The following LSM3 variants were observed in gnomAD, a reference collection of about 807,000 sequenced individuals.
LSM3 encodes LSM3 homolog, U6 small nuclear RNA and mRNA degradation associated, also known as U6 snRNA-associated Sm-like protein LSm3.
A neutral mutation model predicts 15.4 loss-of-function variants in LSM3; 14 were observed. The observed-to-expected ratio is 0.91, with a 90% confidence interval of 0.60 to 1.42. LSM3 has a LOEUF of 1.42. LSM3 is among the 40% of genes most tolerant of loss of function. The probability of loss-of-function intolerance (pLI) is 0.00; values close to 1 mark genes in which losing one functional copy is unlikely to be tolerated. For synonymous variants in LSM3, 46 were observed against 45.1 expected, an observed-to-expected ratio of 1.02 and a Z score of -0.08; for missense variants, 88 against 127.9, an observed-to-expected ratio of 0.69 and a Z score of 1.50.
intron 3 of LSM3, among the ~76,000 whole-genome samples, chr3:14,192,094 AG>A (rs1431001523): frequency 6.6e-6 from 1 of 152,164 alleles, no homozygotes; most frequent in Non-Finnish European, 1.5e-5. Context: ...TGCGGTTTTG[AG>A]TGAGTTTCTT....
At chr3:14,180,487 C>T (rs1697020658) in intron 1 of LSM3, among the ~76,000 whole-genome samples, 2 of 152,098 alleles carry the variant, frequency 1.3e-5, no homozygotes, top group South Asian at 4.1e-4. Context: ...TGGGGTTTCA[C>T]CATGTTGGCC....
At position 14,185,375 on chromosome 3, in the gene LSM3, A is replaced by AC. The variant is rs138277881; in HGVS notation, c.228+1343_228+1344insC. 8.0e-3 allele frequency among the ~76,000 whole-genome samples: 1,219 copies of AC among 151,844 alleles called. 13 individuals carry two copies. Among genetic ancestry groups the AC allele is most frequent in the African/African-American group, 0.025 (1,046 of 41,310 alleles). On this transcript the variant is annotated intron_variant, in intron 3 of 3. Coordinates refer to ENST00000306024, the MANE Select transcript of LSM3 (RefSeq NM_014463.3). ...TCAAAACAAAACAAAACAAAACAAA[A>AC]AAAAACCTATCACGTGTTACTGTAA...
intron 3 of LSM3, among the ~76,000 whole-genome samples, chr3:14,186,870 T>C (rs1697094767): frequency 6.6e-6 from 1 of 152,222 alleles, no homozygotes; most frequent in South Asian, 2.1e-4. Context: ...AAATTTATCC[T>C]TTTTCAGCTC....
At chr3:14,184,791 C>T (rs1238899474) in intron 3 of LSM3, among the ~76,000 whole-genome samples, 1 of 151,390 alleles carries the variant, frequency 6.6e-6, no homozygotes, top group African/African-American at 2.4e-5. Flanking sequence ...CATGGTGGCT[C>T]ACACCTGTAA....
intron 3 of LSM3, among the ~76,000 whole-genome samples, chr3:14,185,127 G>T (rs1342145120): frequency 2.0e-5 from 3 of 152,052 alleles, no homozygotes; most frequent in African/African-American, 7.2e-5. Flanking sequence ...AAAGCGGGTG[G>T]ATCACCTGAG....
chr3:14,181,450 A>G (rs1697037691), intron 1 of LSM3, 110 bp from the exon 2 acceptor site: 1 of 713,900 alleles, frequency 1.4e-6, no homozygotes, highest in South Asian at 1.7e-5. Context: ...AGATTAGGAG[A>G]CTGAGGCAGA....
chr3:14,184,070 C>T, intron 3 of LSM3, 38 bp downstream of exon 3: 1 of 1,578,774 alleles, frequency 6.3e-7, no homozygotes, highest in Non-Finnish European at 8.6e-7. Flanking sequence ...TTGCAAATAT[C>T]AGCTGTTCTC....
At chr3:14,185,084 C>T (rs1390592605) in intron 3 of LSM3, among the ~76,000 whole-genome samples, 2 of 151,466 alleles carry the variant, frequency 1.3e-5, no homozygotes, top group Non-Finnish European at 2.9e-5. Flanking sequence ...GGTGCAGTGG[C>T]TCATGCCTGC....
intron 2 of LSM3, among the ~76,000 whole-genome samples, chr3:14,183,681 G>A (rs1054764493): frequency 1.3e-5 from 2 of 152,204 alleles, no homozygotes; most frequent in Non-Finnish European, 2.9e-5. Context: ...ATAATTTCAA[G>A]TGATTTGAAG....
At chr3:14,182,008 T>C (rs1351318058) in intron 2 of LSM3, among the ~76,000 whole-genome samples, 6 of 152,150 alleles carry the variant, frequency 3.9e-5, no homozygotes, top group African/African-American at 1.4e-4. Context: ...CACAAAAATA[T>C]ATAGAGTAAA....
chr3:14,178,842 A>G lies in LSM3; in HGVS notation c.-19A>G. 1.2e-6 allele frequency: 2 copies of G among 1,614,242 alleles called. No homozygotes were observed. The highest frequency in any genetic ancestry group is 8.5e-7 in the Non-Finnish European group (1 of 1,180,026). On this transcript the variant is annotated 5_prime_UTR_variant, in exon 1 of 4. Coordinates refer to ENST00000306024, the MANE Select transcript of LSM3 (RefSeq NM_014463.3). ...CTTGTGTTCTCGCGAGAGGCGGGAAAGGGCGCAGGGTTTGAAACATGGCGG... is the reference window on the plus strand; with the variant it reads ...CTTGTGTTCTCGCGAGAGGCGGGAAGGGGCGCAGGGTTTGAAACATGGCGG...
Position 14,193,542 on chromosome 3 carries a change from A to T in LSM3, c.229-4494A>T, listed in dbSNP as rs547973399. On this transcript the variant is annotated intron_variant, in intron 3 of 3. Transcript: ENST00000306024. Reference sequence around the variant, plus strand: ...TCATTAAGTTGATCTTCAATCACTGATGTCCTTTCTTCCACTTGATTGATT... The same window carrying T: ...TCATTAAGTTGATCTTCAATCACTGTTGTCCTTTCTTCCACTTGATTGATT... Among the ~76,000 whole-genome samples the T allele has an allele frequency of 1.6e-4, 24 of 152,166 alleles. No homozygotes were observed. The South Asian group carries it at 4.6e-3, about 29-fold the overall frequency.
At chr3:14,184,190 C>A (rs1697065330) in intron 3 of LSM3, among the ~76,000 whole-genome samples, 158 bp downstream of exon 3, 1 of 152,204 alleles carries the variant, frequency 6.6e-6, no homozygotes, top group Non-Finnish European at 1.5e-5. Flanking sequence ...ATCTGACAGA[C>A]CCTGTTGCCA....
At chr3:14,180,845 TTTTTTTTTTTTTAA>T (rs1697030078) in intron 1 of LSM3, among the ~76,000 whole-genome samples, 27 of 103,758 alleles carry the variant, frequency 2.6e-4, no homozygotes, top group African/African-American at 4.1e-4. Context: ...TTTTTTTTTT[TTTTTTTTTTTTTAA>T]AAAAAAAAAA....
At position 14,198,413 on chromosome 3, in the gene LSM3, T is replaced by C; in HGVS notation, c.*297T>C. 1 of 361,726 alleles carries C rather than the reference T, an allele frequency of 2.8e-6. No individual in the cohort carries two copies. Among genetic ancestry groups the C allele is most frequent in the Non-Finnish European group, 5.0e-6 (1 of 200,344 alleles). 22.4% of individuals were successfully genotyped at this position (361,726 alleles called of 1,614,324 possible). ...CTTACTGATTTTTCTTTTCTTTAAATTGGTGTTTCCTTGTAGATTTTTTTA... is the reference window on the plus strand; with the variant it reads ...CTTACTGATTTTTCTTTTCTTTAAACTGGTGTTTCCTTGTAGATTTTTTTA... On this transcript the variant is annotated 3_prime_UTR_variant, in exon 4 of 4. Coordinates refer to ENST00000306024, the MANE Select transcript of LSM3 (RefSeq NM_014463.3).
intron 3 of LSM3, among the ~76,000 whole-genome samples, chr3:14,187,702 C>T (rs1024519363): frequency 6.6e-6 from 1 of 152,188 alleles, no homozygotes; most frequent in African/African-American, 2.4e-5. Flanking sequence ...AACGTTTTAC[C>T]ACCAAAACAG....
chr3:14,191,486 C>A (rs927448639), intron 3 of LSM3, among the ~76,000 whole-genome samples: 2 of 152,102 alleles, frequency 1.3e-5, no homozygotes. Context: ...TTCAGGGATT[C>A]GACTTCTTCC....
chr3:14,188,111 G>C (rs1697106275), intron 3 of LSM3, among the ~76,000 whole-genome samples: 1 of 152,162 alleles, frequency 6.6e-6, no homozygotes, highest in Admixed American at 6.5e-5. Context: ...TGTAATAATA[G>C]AACTGTCTGC....
At chr3:14,195,564 G>A (rs1046935058) in intron 3 of LSM3, among the ~76,000 whole-genome samples, 1 of 152,188 alleles carries the variant, frequency 6.6e-6, no homozygotes, top group African/African-American at 2.4e-5. Flanking sequence ...AAATATTGCT[G>A]TATTTTAAAA....
Sources: allele counts gnomAD v4.1 joint callset (sites outside exome capture counted in the v4.1 genomes callset), GRCh38; gene constraint gnomAD v4.1.1; transcripts MANE v1.5; gene names NCBI Gene and HGNC (gene_info 2026-07-23, HGNC 2026-07-21).